The following ACTR3C variants were observed in gnomAD, a reference collection of about 807,000 sequenced individuals.
The protein encoded by ACTR3C is actin-related protein 3C.
Under a neutral mutation model 26.3 loss-of-function variants are expected in ACTR3C, and 18 were observed. The ratio of observed to expected loss-of-function variants is 0.68; its 90% CI spans 0.47 to 1.01. ACTR3C has a LOEUF of 1.01. Ranked by LOEUF, ACTR3C falls within the 50% of genes least tolerant of loss-of-function variation. The probability of loss-of-function intolerance (pLI) is 0.00; values close to 1 mark genes in which losing one functional copy is unlikely to be tolerated. For synonymous variants in ACTR3C, 55 were observed against 94.5 expected, an observed-to-expected ratio of 0.58 and a Z score of 2.42; for missense variants, 184 against 250.7, an observed-to-expected ratio of 0.73 and a Z score of 1.80.
At chr7:150,129,768 T>C in the ACTR3C span, among the ~76,000 whole-genome samples, 7 of 152,160 alleles carry the variant, frequency 4.6e-5, no homozygotes, top group Admixed American at 2.6e-4. Context: ...CTCCGAAAAT[T>C]GATGTATAGA....
At chr7:149,883,754 C>T in the ACTR3C span, among the ~76,000 whole-genome samples, 11 of 152,156 alleles carry the variant, frequency 7.2e-5, no homozygotes, top group Admixed American at 5.9e-4. Context: ...CTGGAGGAAA[C>T]GCCCTTCAGG....
At chr7:149,996,683 T>A in the ACTR3C span, among the ~76,000 whole-genome samples, 2 of 151,164 alleles carry the variant, frequency 1.3e-5, no homozygotes, top group Admixed American at 1.3e-4. Context: ...AACTCCAGAT[T>A]CATACATTTA....
chr7:150,199,085 GCCC>G, the ACTR3C span, among the ~76,000 whole-genome samples: 2 of 146,428 alleles, frequency 1.4e-5, no homozygotes, highest in Non-Finnish European at 3.0e-5. Flanking sequence ...CTGCCCGGCC[GCCC>G]CCCCGTCTGG....
the ACTR3C span, among the ~76,000 whole-genome samples, chr7:150,020,946 G>A: frequency 6.6e-6 from 1 of 151,776 alleles, no homozygotes; most frequent in Non-Finnish European, 1.5e-5. Context: ...TCAGCCTCCC[G>A]AGTAGCTGAG....
rs10258147 is a variant in ACTR3C, at chr7:150,286,570, C to G, written c.298-30G>C. Reference sequence around the variant, plus strand: ...ATACACACACAAAGATGTTGCCAGGCATTAACAACTGCCCAGTGTCTCTGC... The same window carrying G: ...ATACACACACAAAGATGTTGCCAGGGATTAACAACTGCCCAGTGTCTCTGC... On this transcript the variant is annotated intron_variant, in intron 4 of 7. Coordinates refer to ENST00000683684, the MANE Select transcript of ACTR3C (RefSeq NM_001164458.2). The G allele has an allele frequency of 7.8e-3, 12,458 of 1,601,254 alleles. 830 individuals carry two copies. In the African/African-American group the frequency reaches 0.15, roughly 19 times the overall value.
chr7:150,209,763 A>AC, the ACTR3C span, among the ~76,000 whole-genome samples: 92 of 149,014 alleles, frequency 6.2e-4, no homozygotes, highest in East Asian at 1.2e-3. Flanking sequence ...ACACACACAC[A>AC]AAATTAGCTG....
At chr7:150,239,878 A>G (rs1409571481), downstream of ACTR3C, among the ~76,000 whole-genome samples, 1 of 151,906 alleles carries the variant, frequency 6.6e-6, no homozygotes, top group Non-Finnish European at 1.5e-5. Context: ...CAGCCTCCTG[A>G]GTAGCTGAGA....
the ACTR3C span, among the ~76,000 whole-genome samples, chr7:150,084,247 AAAAT>A: frequency 1.3e-5 from 2 of 152,182 alleles, no homozygotes; most frequent in African/African-American, 4.8e-5. Context: ...TGAAAAAAAA[AAAAT>A]AAACCTACTT....
At chr7:150,321,531 G>A (rs1341483781) in intron 1 of ACTR3C, among the ~76,000 whole-genome samples, 4 of 152,180 alleles carry the variant, frequency 2.6e-5, no homozygotes, top group African/African-American at 9.7e-5. Flanking sequence ...CTTGAAGTCA[G>A]GAGTTTGAGA....
the ACTR3C span, chr7:149,892,533 C>G: frequency 5.0e-6 from 2 of 399,908 alleles, no homozygotes; most frequent in South Asian, 6.9e-5. Flanking sequence ...AGGGTGCTCA[C>G]AGAAAAGACA....
the ACTR3C span, among the ~76,000 whole-genome samples, chr7:150,095,010 C>T: frequency 1.7e-3 from 227 of 131,170 alleles, 8 homozygotes; most frequent in African/African-American, 6.5e-3. Context: ...CTTGACAGAA[C>T]CACAATCCCC....
At chr7:149,953,565 C>T in the ACTR3C span, among the ~76,000 whole-genome samples, 1 of 152,144 alleles carries the variant, frequency 6.6e-6, no homozygotes, top group Non-Finnish European at 1.5e-5. Context: ...TGCAATTCAC[C>T]TCCTTCAAAG....
At chr7:150,033,483 A>G in the ACTR3C span, among the ~76,000 whole-genome samples, 1 of 152,134 alleles carries the variant, frequency 6.6e-6, no homozygotes, top group Non-Finnish European at 1.5e-5. Flanking sequence ...ACTTTCTTCT[A>G]GGACACCTAA....
chr7:149,966,692 G>A, the ACTR3C span, among the ~76,000 whole-genome samples: 7 of 152,210 alleles, frequency 4.6e-5, no homozygotes, highest in East Asian at 1.2e-3. Context: ...CAGTGGCAAC[G>A]ACTAAGGAAC....
chr7:150,159,034 ACTCAGG>A, the ACTR3C span, among the ~76,000 whole-genome samples: 5,180 of 81,866 alleles, frequency 0.063, 247 homozygotes, highest in East Asian at 0.51. Flanking sequence ...AGGCACACAC[ACTCAGG>A]CACACACCGT....
the ACTR3C span, among the ~76,000 whole-genome samples, chr7:150,117,865 G>C: frequency 3.3e-5 from 5 of 152,160 alleles, no homozygotes; most frequent in Admixed American, 6.5e-5. Flanking sequence ...TGCCCCTCTG[G>C]GACCAAGCTT....
the ACTR3C span, among the ~76,000 whole-genome samples, chr7:150,018,872 A>G: frequency 6.7e-6 from 1 of 149,598 alleles, no homozygotes. Flanking sequence ...CTTCATCTTC[A>G]AGGTGAAAGA....
chr7:149,906,242 A>G, the ACTR3C span, among the ~76,000 whole-genome samples: 1 of 152,128 alleles, frequency 6.6e-6, no homozygotes, highest in African/African-American at 2.4e-5. Context: ...TAGAAACACA[A>G]CCAGAAACTA....
the ACTR3C span, among the ~76,000 whole-genome samples, chr7:150,055,869 CT>C: frequency 6.7e-6 from 1 of 149,892 alleles, no homozygotes; most frequent in African/African-American, 2.4e-5. Context: ...GGACTCATTG[CT>C]TTTTTAATGC....
Sources: gnomAD v4.1 joint callset for allele counts (sites outside exome capture counted in the v4.1 genomes callset) on GRCh38, gnomAD v4.1.1 for gene constraint, MANE v1.5 for transcripts, NCBI Gene and HGNC (gene_info 2026-07-23, HGNC 2026-07-21) for gene names.